Variants in OLFM3 observed in about 807,000 individuals in gnomAD.
OLFM3 encodes noelin-3.
Under a neutral mutation model 48.6 loss-of-function variants are expected in OLFM3, and 20 were observed. The observed-to-expected ratio is 0.41, with a 90% CI of 0.29 to 0.60. The LOEUF is 0.60. Among genes scored for constraint, OLFM3 ranks in the 20% least tolerant of loss-of-function variants. OLFM3 has a pLI of 0.28. For synonymous variants in OLFM3, 222 were observed against 198.1 expected (o/e 1.12, Z -1.01); for missense variants, 437 against 544.3 (o/e 0.80, Z 1.96).
chr1:101,879,575 G>A (rs1372481907), intron 1 of OLFM3, among the ~76,000 whole-genome samples: 3 of 151,724 alleles, frequency 2.0e-5, no homozygotes, highest in African/African-American at 7.3e-5. Context: ...CAAAAATCAT[G>A]TATTCCTATC....
chr1:101,893,474 C>A, intron 1 of OLFM3: 1 of 282,354 alleles, frequency 3.5e-6, no homozygotes, highest in Non-Finnish European at 7.3e-6. Flanking sequence ...TTGACAAAAG[C>A]ATGAAAGATG....
At chr1:101,891,939 C>T (rs1200462385) in intron 1 of OLFM3, among the ~76,000 whole-genome samples, 3 of 151,972 alleles carry the variant, frequency 2.0e-5, no homozygotes, top group African/African-American at 7.2e-5. Flanking sequence ...TTACCTAATA[C>T]TTAGTTCTCC....
At chr1:101,815,406 C>T (rs1654282694) in intron 4 of OLFM3, among the ~76,000 whole-genome samples, 1 of 150,286 alleles carries the variant, frequency 6.7e-6, no homozygotes, top group Admixed American at 6.6e-5. Flanking sequence ...GAGATCGCGC[C>T]ACTGCATTCC....
At chr1:101,914,670 A>C (rs1171176448) in intron 1 of OLFM3, among the ~76,000 whole-genome samples, 1 of 152,198 alleles carries the variant, frequency 6.6e-6, no homozygotes, top group Non-Finnish European at 1.5e-5. Context: ...TGAAGTGGGG[A>C]TAAGTGCCAG....
chr1:101,806,058 T>C lies in OLFM3; in HGVS notation c.699+18A>G, dbSNP rs756564655. Reference sequence around the variant, plus strand: ...CAGAACTTAATTCTAAGCAAAGGTGTTTGTGGGAGAAACATACTCTGTTGT... The same window carrying C: ...CAGAACTTAATTCTAAGCAAAGGTGCTTGTGGGAGAAACATACTCTGTTGT... On this transcript the variant is annotated intron_variant, in intron 5 of 5. Transcript: ENST00000370103. 6.4e-6 allele frequency: 10 copies of C among 1,568,920 alleles called. No homozygotes were observed. The East Asian group carries it at 2.0e-4, about 32-fold the overall frequency.
At chr1:101,909,792 GTTTA>G (rs1345604531) in intron 1 of OLFM3, among the ~76,000 whole-genome samples, 1 of 152,040 alleles carries the variant, frequency 6.6e-6, no homozygotes, top group East Asian at 1.9e-4. Flanking sequence ...AGGCTGGCAG[GTTTA>G]TTTATTTATT....
At position 101,838,126 on chromosome 1, in the gene OLFM3, T is replaced by A. The variant is rs375382117; in HGVS notation, c.70-1101A>T. Among the ~76,000 whole-genome samples the A allele has an allele frequency of 7.2e-5, 11 of 152,212 alleles. No individual in the cohort carries two copies. In the South Asian group the frequency reaches 1.5e-3, roughly 20 times the overall value. On this transcript the variant is annotated intron_variant, in intron 1 of 5. Transcript: ENST00000370103. ...CAATCCTCCCACCTCAGCCGATATCTCAGCTCACTGCAACCTCTGCTTCTC... is the reference window on the plus strand; with the variant it reads ...CAATCCTCCCACCTCAGCCGATATCACAGCTCACTGCAACCTCTGCTTCTC...
intron 1 of OLFM3, among the ~76,000 whole-genome samples, chr1:101,863,802 G>T (rs554262552): frequency 6.6e-6 from 1 of 152,106 alleles, no homozygotes; most frequent in South Asian, 2.1e-4. Flanking sequence ...AGAAGACATG[G>T]TTATTTTTCA....
intron 1 of OLFM3, among the ~76,000 whole-genome samples, chr1:101,967,888 G>A (rs1286964173): frequency 6.6e-6 from 1 of 151,894 alleles, no homozygotes; most frequent in Non-Finnish European, 1.5e-5. Flanking sequence ...TCCGCCCCCA[G>A]CACCCACTCT....
rs78538394 is a variant in OLFM3, at chr1:101,877,083, T to G, written c.70-40058A>C. On this transcript the variant is annotated intron_variant, in intron 1 of 5. Transcript: ENST00000370103. ...ACAAATGAGCTTACATATGAAAGTT[T>G]CTTTGTAAACAATAAAGTGGTATGT... 8.9e-3 allele frequency among the ~76,000 whole-genome samples: 1,351 copies of G among 152,132 alleles called. 31 individuals carry two copies. Among genetic ancestry groups the G allele is most frequent in the African/African-American group, 0.031 (1,296 of 41,538 alleles).
chr1:101,804,205 C>T lies in OLFM3; in HGVS notation c.*33G>A, dbSNP rs1553168627. 1.7e-5 allele frequency: 25 copies of T among 1,474,442 alleles called. No homozygotes were observed. The East Asian group carries it at 5.1e-4, about 30-fold the overall frequency. The allele number at this position is 1,474,442 out of a possible 1,614,324, so 91.3% of individuals were successfully genotyped here. On this transcript the variant is annotated 3_prime_UTR_variant, in exon 6 of 6. Coordinates refer to ENST00000370103, the MANE Select transcript of OLFM3 (RefSeq NM_058170.4). The surrounding 1 kb of genome is among the most constrained non-coding windows in gnomAD (Gnocchi z 4.5). ...CTTATAGAGTTTATCACAAATCACA[C>T]TGTTTAAATCAATGAAAACATGTCA...
At chr1:101,957,787 A>C (rs1003555137) in intron 1 of OLFM3, among the ~76,000 whole-genome samples, 2 of 152,082 alleles carry the variant, frequency 1.3e-5, no homozygotes, top group African/African-American at 4.8e-5. Context: ...ACAAATAACC[A>C]ATTCCAAGCA....
intron 1 of OLFM3, among the ~76,000 whole-genome samples, chr1:101,891,835 A>G (rs1394277834): frequency 6.6e-6 from 1 of 152,014 alleles, no homozygotes; most frequent in African/African-American, 2.4e-5. Context: ...AAATCATAAA[A>G]TGTAGTTATA....
At chr1:101,984,264 A>T (rs2101112569) in intron 1 of OLFM3, among the ~76,000 whole-genome samples, 1 of 152,200 alleles carries the variant, frequency 6.6e-6, no homozygotes, top group East Asian at 1.9e-4. Context: ...AAAAAAAAAA[A>T]AAAAGTTCTT....
At chr1:101,951,997 C>T (rs1433152514) in intron 1 of OLFM3, among the ~76,000 whole-genome samples, 1 of 151,442 alleles carries the variant, frequency 6.6e-6, no homozygotes, top group Non-Finnish European at 1.5e-5. Context: ...TTCAGATGAT[C>T]TGAAAAAACA....
chr1:101,837,915 G>T (rs1379133587), intron 1 of OLFM3: 1 of 152,086 alleles, frequency 6.6e-6, no homozygotes, highest in East Asian at 1.9e-4. Context: ...TGAAGAAACT[G>T]TCTGTACTAT....
chr1:101,989,547 T>C (rs944628890), intron 1 of OLFM3, among the ~76,000 whole-genome samples: 1 of 152,168 alleles, frequency 6.6e-6, no homozygotes, highest in Non-Finnish European at 1.5e-5. Context: ...TAGTTGTTCG[T>C]GAGTGGGGTC....
intron 1 of OLFM3, among the ~76,000 whole-genome samples, chr1:101,901,461 G>A (rs558887748): frequency 1.1e-4 from 16 of 152,134 alleles, no homozygotes; most frequent in Admixed American, 5.9e-4. Flanking sequence ...GAGCTGGAAC[G>A]GTGATATAGA....
intron 4 of OLFM3, among the ~76,000 whole-genome samples, chr1:101,812,198 G>A (rs1283713934): frequency 6.6e-6 from 1 of 151,754 alleles, no homozygotes; most frequent in African/African-American, 2.4e-5. Context: ...GGTGGGGGGA[G>A]TGGGGAGGGA....
Sources: allele counts gnomAD v4.1 joint callset (sites outside exome capture counted in the v4.1 genomes callset), GRCh38; gene constraint gnomAD v4.1.1; non-coding constraint Gnocchi (gnomAD v3.1); transcripts MANE v1.5; gene names NCBI Gene and HGNC (gene_info 2026-07-23, HGNC 2026-07-21).